The following HYDIN variants were observed in gnomAD, a reference collection of about 807,000 sequenced individuals.
HYDIN encodes HYDIN axonemal central pair apparatus protein.
Under a neutral mutation model 403.9 loss-of-function variants are expected in HYDIN, and 132 were observed. That is an observed-to-expected ratio of 0.33 (90% CI 0.28 to 0.38). HYDIN has a LOEUF of 0.38. Among genes scored for constraint, HYDIN ranks in the 10% least tolerant of loss-of-function variants. The probability of loss-of-function intolerance (pLI) is 1.00; values close to 1 mark genes in which losing one functional copy is unlikely to be tolerated. For missense variants in HYDIN, 2,827 were observed against 5,009.5 expected (o/e 0.56, Z 13.15); for synonymous variants, 1,202 against 1,891.7 (o/e 0.64, Z 9.46).
At chr16:70,998,146 G>A (rs1217475231) in intron 23 of HYDIN, among the ~76,000 whole-genome samples, 2 of 152,166 alleles carry the variant, frequency 1.3e-5, no homozygotes, top group Non-Finnish European at 2.9e-5. Context: ...ACTTTGTTGC[G>A]TGATGAAAGC....
intron 80 of HYDIN, 82 bp downstream of exon 80, chr16:70,832,766 T>C: frequency 8.8e-7 from 1 of 1,142,296 alleles, no homozygotes; most frequent in Non-Finnish European, 1.3e-6. Context: ...GGGGCAGGCC[T>C]GCCTGTTTGA....
In HYDIN at chr16:70,943,960, G is replaced by C. The variant is rs970892422; in HGVS notation, c.6532-11C>G. On this transcript the variant is annotated splice_polypyrimidine_tract_variant and intron_variant, in intron 41 of 85. Transcript: ENST00000393567. ...AGGGCTGGAGGAAATCTGTTGAGTG[G>C]GAGAAGGATCAGGAGTCAGAATCTG... The C allele has an allele frequency of 1.9e-6, 3 of 1,585,230 alleles. No homozygotes were observed. In the African/African-American group the frequency reaches 4.0e-5, roughly 21 times the overall value.
intron 43 of HYDIN, among the ~76,000 whole-genome samples, chr16:70,940,457 G>C (rs111708131): frequency 3.8e-4 from 58 of 151,702 alleles, no homozygotes; most frequent in African/African-American, 1.4e-3. Flanking sequence ...ATAGATGTTC[G>C]ACAAACATGA....
At chr16:71,169,178 T>C (rs183867136) in intron 5 of HYDIN, among the ~76,000 whole-genome samples, 1 of 152,194 alleles carries the variant, frequency 6.6e-6, no homozygotes, top group East Asian at 1.9e-4. Flanking sequence ...GTAATCCTAG[T>C]ACTTTGGGAG....
chr16:71,074,707 CAAAAAAAAAAA>C (rs59315287), intron 13 of HYDIN, among the ~76,000 whole-genome samples: 36 of 86,190 alleles, frequency 4.2e-4, no homozygotes, highest in South Asian at 2.2e-3. Flanking sequence ...CAAAAAACAC[CAAAAAAAAAAA>C]AAAAAAAAAA....
At chr16:70,942,611 C>G (rs1309698755) in intron 42 of HYDIN, among the ~76,000 whole-genome samples, 1 of 152,300 alleles carries the variant, frequency 6.6e-6, no homozygotes, top group Admixed American at 6.5e-5. Flanking sequence ...AGCCCATAGA[C>G]TGGCCACCAG....
intron 10 of HYDIN, among the ~76,000 whole-genome samples, chr16:71,108,322 A>G (rs1442409572): frequency 6.6e-6 from 1 of 152,210 alleles, no homozygotes; most frequent in African/African-American, 2.4e-5. Flanking sequence ...CTTAAGCAAA[A>G]GAACAAAAAC....
chr16:71,207,325 C>G (rs551186460), intron 1 of HYDIN, among the ~76,000 whole-genome samples: 12 of 152,148 alleles, frequency 7.9e-5, no homozygotes, highest in African/African-American at 2.9e-4. Context: ...TCTGCTCAAA[C>G]TAAACTTCAT....
At chr16:71,097,918 G>A (rs1314791533) in intron 10 of HYDIN, among the ~76,000 whole-genome samples, 3 of 152,026 alleles carry the variant, frequency 2.0e-5, no homozygotes, top group Non-Finnish European at 4.4e-5. Context: ...GACATTTTAT[G>A]TTCCACTGTC....
At chr16:70,925,734 A>C (rs1238883507) in intron 45 of HYDIN, among the ~76,000 whole-genome samples, 3 of 150,682 alleles carry the variant, frequency 2.0e-5, no homozygotes, top group South Asian at 2.1e-4. Flanking sequence ...TAATATCCAG[A>C]ATCTACAATG....
At chr16:70,901,561 A>G (rs952859702) in intron 52 of HYDIN, among the ~76,000 whole-genome samples, 6 of 148,554 alleles carry the variant, frequency 4.0e-5, no homozygotes, top group African/African-American at 1.5e-4. Flanking sequence ...TAATGGCCAT[A>G]ATACTTAGCA....
intron 18 of HYDIN, among the ~76,000 whole-genome samples, chr16:71,046,496 T>C (rs1400117049): frequency 1.3e-5 from 2 of 151,648 alleles, no homozygotes; most frequent in African/African-American, 2.4e-5. Flanking sequence ...CAGAGGGAGA[T>C]TTTTTCCTTC....
intron 7 of HYDIN, among the ~76,000 whole-genome samples, chr16:71,144,158 A>G (rs372342067): frequency 3.2e-4 from 48 of 152,310 alleles, no homozygotes; most frequent in Admixed American, 1.6e-3. Flanking sequence ...TCTAGTAACC[A>G]AAGTTTCAAT....
intron 45 of HYDIN, among the ~76,000 whole-genome samples, chr16:70,926,676 GAC>G (rs1254694639): frequency 3.3e-5 from 5 of 151,352 alleles, no homozygotes; most frequent in Admixed American, 3.3e-4. Context: ...AAGAGCAAAA[GAC>G]AGACGGGAGA....
chr16:70,949,174 T>G (rs969712184), intron 41 of HYDIN, among the ~76,000 whole-genome samples: 1 of 151,356 alleles, frequency 6.6e-6, no homozygotes, highest in Non-Finnish European at 1.5e-5. Context: ...TGGATGAAAT[T>G]GGAAATCATC....
At chr16:71,224,819 C>A (rs1768560462) in intron 1 of HYDIN, among the ~76,000 whole-genome samples, 2 of 152,010 alleles carry the variant, frequency 1.3e-5, no homozygotes, top group African/African-American at 4.8e-5. Flanking sequence ...CCTCGGCCTC[C>A]CAAAGTGCTG....
chr16:70,949,274 C>T (rs2077983477), intron 41 of HYDIN, among the ~76,000 whole-genome samples: 2 of 125,280 alleles, frequency 1.6e-5, no homozygotes, highest in Admixed American at 1.1e-4. Flanking sequence ...CACATGGACA[C>T]AGGAAGGGGA....
chr16:70,892,974 G>A (rs1430952233), intron 55 of HYDIN, among the ~76,000 whole-genome samples: 1 of 152,148 alleles, frequency 6.6e-6, no homozygotes, highest in Admixed American at 6.5e-5. Flanking sequence ...GAAGCCCATG[G>A]CCTACTGGAG....
chr16:70,982,415 G>C (rs2079074137), intron 28 of HYDIN, among the ~76,000 whole-genome samples: 3 of 151,088 alleles, frequency 2.0e-5, no homozygotes, highest in African/African-American at 7.3e-5. Flanking sequence ...TTCAGTTTAT[G>C]ACCCATTCAG....
Sources: allele counts gnomAD v4.1 joint callset (sites outside exome capture counted in the v4.1 genomes callset), GRCh38; gene constraint gnomAD v4.1.1; transcripts MANE v1.5; gene names NCBI Gene and HGNC (gene_info 2026-07-23, HGNC 2026-07-21).